Variants in LPP observed in about 807,000 individuals in gnomAD.
The protein encoded by LPP is LIM domain containing preferred translocation partner in lipoma, also known as lipoma-preferred partner.
A neutral mutation model predicts 60.4 loss-of-function variants in LPP; 38 were observed. The observed-to-expected ratio is 0.63, with a 90% CI of 0.49 to 0.83. LPP has a LOEUF of 0.83. Ranked by LOEUF, LPP falls within the 40% of genes least tolerant of loss-of-function variation. The pLI is 0.00. For missense variants in LPP, 902 were observed against 783.6 expected (o/e 1.15, Z -1.80); for synonymous variants, 328 against 290.8 (o/e 1.13, Z -1.30).
At chr3:188,442,864 T>C (rs961118891) in intron 4 of LPP, among the ~76,000 whole-genome samples, 1 of 152,212 alleles carries the variant, frequency 6.6e-6, no homozygotes, top group Admixed American at 6.5e-5. Flanking sequence ...CAGCTGGCTC[T>C]GTGAAGAAGA....
intron 6 of LPP, among the ~76,000 whole-genome samples, chr3:188,606,824 GA>G (rs372881376): frequency 3.9e-5 from 6 of 152,062 alleles, no homozygotes; most frequent in African/African-American, 1.4e-4. Context: ...ATGAAAGAGG[GA>G]ATAAAGCTTT....
At position 188,831,297 on chromosome 3, in the gene LPP, C is replaced by G. The variant is rs113045936; in HGVS notation, c.1411-34903C>G. ...AAGACTGAGAGCAGCGTGGTCATAC[C>G]TAGACATTTATCTGGAGAGCAAAAT... On this transcript the variant is annotated intron_variant, in intron 9 of 11. Coordinates refer to ENST00000617246, the MANE Select transcript of LPP (RefSeq NM_001375462.1). 8.1e-4 allele frequency among the ~76,000 whole-genome samples: 124 copies of G among 152,280 alleles called. 1 individual carries two copies. The highest frequency in any genetic ancestry group is 2.9e-3 in the African/African-American group (121 of 41,556).
chr3:188,865,290 A>C (rs1766302901), intron 9 of LPP, among the ~76,000 whole-genome samples: 1 of 152,230 alleles, frequency 6.6e-6, no homozygotes, highest in South Asian at 2.1e-4. Flanking sequence ...TTTAAAGCTT[A>C]GAATATTTTT....
intron 3 of LPP, among the ~76,000 whole-genome samples, chr3:188,382,139 C>T (rs139161180): frequency 1.8e-4 from 27 of 152,256 alleles, no homozygotes; most frequent in African/African-American, 4.6e-4. Flanking sequence ...ATTCCTTCTA[C>T]GGTTTGGCAC....
chr3:188,607,370 GATATATATATATATATATATATATAT>G (rs10527365), intron 6 of LPP, among the ~76,000 whole-genome samples: 27,605 of 102,846 alleles, frequency 0.27, 4,637 homozygotes, highest in African/African-American at 0.48. Context: ...GAAAATAGAA[GATATATATATATATATATATATATAT>G]ATATATATAT....
chr3:188,872,854 C>T (rs1180959837), intron 11 of LPP, 91 bp downstream of exon 11: 2 of 1,541,028 alleles, frequency 1.3e-6, no homozygotes, highest in Non-Finnish European at 1.8e-6. Flanking sequence ...ATTACTAAAT[C>T]TCAGAACGGC....
At chr3:188,676,007 T>C (rs2149310972) in intron 7 of LPP, among the ~76,000 whole-genome samples, 1 of 152,158 alleles carries the variant, frequency 6.6e-6, no homozygotes, top group African/African-American at 2.4e-5. Flanking sequence ...ATCCTAGGGG[T>C]GAAAGATTAC....
intron 9 of LPP, among the ~76,000 whole-genome samples, chr3:188,793,186 T>G (rs761568915): frequency 1.3e-3 from 20 of 15,714 alleles, no homozygotes; most frequent in Non-Finnish European, 1.7e-3. Context: ...CATTTATCCT[T>G]TTTTTTTTTT....
At chr3:188,473,912 T>C (rs1463030729) in intron 4 of LPP, among the ~76,000 whole-genome samples, 2 of 152,192 alleles carry the variant, frequency 1.3e-5, no homozygotes. Flanking sequence ...GAAGACTCTG[T>C]TCCTATACTT....
At chr3:188,657,278 A>ATATATATATATATATATATATG (rs1580741295) in intron 7 of LPP, among the ~76,000 whole-genome samples, 1 of 144,746 alleles carries the variant, frequency 6.9e-6, no homozygotes, top group Non-Finnish European at 1.5e-5. Flanking sequence ...ATATATATAT[A>ATATATATATATATATATATATG]TATTTCCAAA....
intron 2 of LPP, among the ~76,000 whole-genome samples, chr3:188,301,236 A>T (rs1403311743): frequency 6.6e-6 from 1 of 152,132 alleles, no homozygotes; most frequent in Non-Finnish European, 1.5e-5. Context: ...TTGTCTGCTC[A>T]CTGTCTATCT....
intron 8 of LPP, among the ~76,000 whole-genome samples, chr3:188,758,321 C>T (rs1188621350): frequency 6.6e-6 from 1 of 152,036 alleles, no homozygotes; most frequent in African/African-American, 2.4e-5. Flanking sequence ...CCACCACGCC[C>T]AGCTATTTTT....
intron 6 of LPP, among the ~76,000 whole-genome samples, chr3:188,569,321 G>T (rs1304836386): frequency 1.3e-5 from 2 of 151,808 alleles, no homozygotes; most frequent in African/African-American, 4.8e-5. Flanking sequence ...TTGAAAGTTT[G>T]AGGAAAAAAT....
At chr3:188,428,594 A>T (rs867164271) in intron 4 of LPP, among the ~76,000 whole-genome samples, 420 of 99,466 alleles carry the variant, frequency 4.2e-3, no homozygotes, top group South Asian at 6.5e-3. Flanking sequence ...ATATATATAT[A>T]TATTTTTTTT....
intron 4 of LPP, among the ~76,000 whole-genome samples, chr3:188,483,182 G>A (rs1303830466): frequency 6.6e-6 from 1 of 152,166 alleles, no homozygotes; most frequent in African/African-American, 2.4e-5. Context: ...CTTGGGGCTA[G>A]ACCTGACAGT....
rs116819255 is a variant in LPP, at chr3:188,327,590, T to C, written c.-66-14073T>C. Among the ~76,000 whole-genome samples, 396 of 152,328 alleles carry C rather than the reference T, an allele frequency of 2.6e-3. 1 individual carries two copies. The highest frequency in any genetic ancestry group is 8.8e-3 in the African/African-American group (367 of 41,588). On this transcript the variant is annotated intron_variant, in intron 2 of 11. Coordinates refer to ENST00000617246, the MANE Select transcript of LPP (RefSeq NM_001375462.1). ...GTCCTAGTAACCACTGCCTGTTCCA[T>C]GGAAGGCACACAGTGAGTATTTTTT... is the stretch of plus-strand genomic sequence containing the variant.
At chr3:188,563,636 C>CTTTA (rs1831326748) in intron 6 of LPP, among the ~76,000 whole-genome samples, 1 of 150,136 alleles carries the variant, frequency 6.7e-6, no homozygotes, top group South Asian at 2.1e-4. Flanking sequence ...TTCAGCTTTT[C>CTTTA]TTTATTACAA....
At chr3:188,729,997 A>C (rs943495214) in intron 8 of LPP, among the ~76,000 whole-genome samples, 2 of 152,214 alleles carry the variant, frequency 1.3e-5, no homozygotes, top group Non-Finnish European at 2.9e-5. Flanking sequence ...CTCCAAAAAA[A>C]GAATACTATT....
At chr3:188,176,164 T>C (rs1462029880) in intron 1 of LPP, among the ~76,000 whole-genome samples, 1 of 151,804 alleles carries the variant, frequency 6.6e-6, no homozygotes, top group Non-Finnish European at 1.5e-5. Flanking sequence ...TCCTGGAGAG[T>C]TTACTGGGCC....
Sources: allele counts gnomAD v4.1 joint callset (sites outside exome capture counted in the v4.1 genomes callset), GRCh38; gene constraint gnomAD v4.1.1; transcripts MANE v1.5; gene names NCBI Gene and HGNC (gene_info 2026-07-23, HGNC 2026-07-21).